ALS2: variants seen among roughly 807,000 people sequenced by gnomAD.
ALS2 encodes the protein alsin.
Under a neutral mutation model 203.4 loss-of-function variants are expected in ALS2, and 117 were observed. That is an observed-to-expected ratio of 0.58 (90% confidence interval 0.50 to 0.67). ALS2 has a LOEUF of 0.67. Among genes scored for constraint, ALS2 ranks in the 30% least tolerant of loss-of-function variants. The pLI, the probability that ALS2 is intolerant of heterozygous loss-of-function variation, is 0.00. For synonymous variants in ALS2, 718 were observed against 725.9 expected (o/e 0.99, Z 0.17); for missense variants, 1,715 against 1,989.4 (o/e 0.86, Z 2.62).
intron 1 of ALS2, among the ~76,000 whole-genome samples, chr2:201,771,226 T>C (rs887437543): frequency 2.0e-5 from 3 of 152,038 alleles, no homozygotes; most frequent in Non-Finnish European, 4.4e-5. Context: ...TTTGTATTTT[T>C]AGTAGAGACG....
intron 7 of ALS2, 78 bp from the exon 8 acceptor site, chr2:201,749,867 T>A: frequency 9.4e-7 from 1 of 1,059,798 alleles, no homozygotes; most frequent in African/African-American, 1.6e-5. Context: ...TTATAATAAT[T>A]AACATATATA....
chr2:201,749,652 A>T, intron 8 of ALS2, 60 bp downstream of exon 8: 1 of 1,341,746 alleles, frequency 7.5e-7, no homozygotes, highest in South Asian at 1.2e-5. Flanking sequence ...GAAATGGAGA[A>T]GTATAAGGTG....
chr2:201,760,810 A>C (rs771243580), intron 4 of ALS2, 71 bp downstream of exon 4: 1 of 1,516,932 alleles, frequency 6.6e-7, no homozygotes, highest in Admixed American at 2.3e-5. Flanking sequence ...TACTCATTTT[A>C]AAGTTTCTAA....
intron 1 of ALS2, among the ~76,000 whole-genome samples, chr2:201,780,263 G>A (rs533690442): frequency 6.6e-6 from 1 of 152,250 alleles, no homozygotes; most frequent in African/African-American, 2.4e-5. Context: ...TATTTTTCTG[G>A]CTTCGCTTCT....
At chr2:201,741,031 A>G (rs981677660) in intron 11 of ALS2, among the ~76,000 whole-genome samples, 1 of 152,182 alleles carries the variant, frequency 6.6e-6, no homozygotes, top group African/African-American at 2.4e-5. Context: ...CTTCAGATCA[A>G]AGCATAACCT....
chr2:201,752,968 T>C (rs1693155961), intron 7 of ALS2, among the ~76,000 whole-genome samples, 178 bp downstream of exon 7: 1 of 152,224 alleles, frequency 6.6e-6, no homozygotes, highest in Non-Finnish European at 1.5e-5. Flanking sequence ...TAATTTCTCT[T>C]ACTCCACTTC....
chr2:201,724,274 A>G (rs1186221522), intron 21 of ALS2, 21 bp downstream of exon 21: 2 of 1,608,180 alleles, frequency 1.2e-6, no homozygotes, highest in Admixed American at 1.7e-5. Context: ...AAACTGTGGG[A>G]ATAGAAGGAG....
intron 24 of ALS2, 40 bp from the exon 25 acceptor site, chr2:201,715,879 T>A (rs1248424862): frequency 4.3e-6 from 7 of 1,611,796 alleles, no homozygotes; most frequent in Non-Finnish European, 5.1e-6. Context: ...TCATTTCTTT[T>A]GTGCAAAATT....
intron 7 of ALS2, among the ~76,000 whole-genome samples, chr2:201,750,237 T>A (rs1692949549): frequency 6.6e-6 from 1 of 151,710 alleles, no homozygotes; most frequent in Non-Finnish European, 1.5e-5. Context: ...TAACAATAAC[T>A]AACACTTTTC....
At position 201,725,836 on chromosome 2, in the gene ALS2, C is replaced by A. The variant is rs554785243; in HGVS notation, c.3249-382G>T. Among the ~76,000 whole-genome samples the A allele has an allele frequency of 3.9e-5, 6 of 152,302 alleles. No individual in the cohort carries two copies. The South Asian group carries it at 6.2e-4, about 16-fold the overall frequency. ...AATTAGATGATCTAAAGTCTCTTCT[C>A]ATTCTAACAATCTATTAAAAAGAGA... On this transcript the variant is annotated intron_variant, in intron 19 of 33. Transcript: ENST00000264276.
At chr2:201,755,199 T>C (rs1693304457) in intron 5 of ALS2, among the ~76,000 whole-genome samples, 1 of 152,132 alleles carries the variant, frequency 6.6e-6, no homozygotes, top group African/African-American at 2.4e-5. Context: ...GAGGTTATAG[T>C]GTGTTATGAC....
intron 11 of ALS2, among the ~76,000 whole-genome samples, chr2:201,740,494 G>A (rs1245964036): frequency 6.6e-6 from 1 of 151,838 alleles, no homozygotes; most frequent in East Asian, 1.9e-4. Context: ...ATGAATTCAA[G>A]TCAAAAAAGG....
chr2:201,753,434 TATCA>T (rs1197128123), intron 6 of ALS2, among the ~76,000 whole-genome samples, 192 bp from the exon 7 acceptor site: 3 of 152,250 alleles, frequency 2.0e-5, no homozygotes, highest in Non-Finnish European at 4.4e-5. Flanking sequence ...AACCTTTGTC[TATCA>T]ATCACTAATT....
chr2:201,742,481 T>C (rs1268285658), intron 10 of ALS2, among the ~76,000 whole-genome samples: 1 of 152,164 alleles, frequency 6.6e-6, no homozygotes, highest in Non-Finnish European at 1.5e-5. Context: ...ATTAGGAAAG[T>C]AGACTGGGAA....
rs568221522 is a variant in ALS2 at position 201,700,751 on chromosome 2, T to G, written c.*1100A>C. Reference sequence around the variant, plus strand: ...GCTCACCACGGTGTAGGAGATGAGATGAGGAAGAGCACCTATGTTATTCAA... The same window carrying G: ...GCTCACCACGGTGTAGGAGATGAGAGGAGGAAGAGCACCTATGTTATTCAA... On this transcript the variant is annotated 3_prime_UTR_variant, in exon 34 of 34. Transcript: ENST00000264276. The G allele has an allele frequency of 2.0e-4, 30 of 152,644 alleles. No individual in the cohort carries two copies. Among genetic ancestry groups the G allele is most frequent in the African/African-American group, 7.0e-4 (29 of 41,454 alleles). 9.5% of individuals were successfully genotyped at this position (152,644 alleles called of 1,614,324 possible). A position where few individuals can be genotyped will look rare whatever the true frequency, so the allele number is the denominator to read the frequency against.
rs1281386074 is a variant in ALS2, at chr2:201,757,607, C to A, written c.1266G>T (p.Met422Ile). ...CACAAGGGGTTGTACTATAAAAGTT[C>A]ATAACTTTCTTCAGTGACAAGGCAC... Reference protein sequence around the residue: ...EAGALSLKKVMNFYSTTPCET... With the variant: ...EAGALSLKKVINFYSTTPCET... The change falls in exon 5 of 34, where the codon ATG (methionine) becomes ATT (isoleucine). Residue 422 changes from methionine (M) to isoleucine (I), a missense_variant. This residue lies in a region of ALS2 where 476 missense variants were observed against 539.3 expected (regional missense o/e 0.88). Coordinates refer to ENST00000264276, the MANE Select transcript of ALS2 (RefSeq NM_020919.4). 2 of 1,614,134 alleles carry A rather than the reference C, an allele frequency of 1.2e-6. No individual in the cohort carries two copies. Among genetic ancestry groups the A allele is most frequent in the South Asian group, 2.2e-5 (2 of 91,080 alleles).
At chr2:201,733,140 G>T in intron 13 of ALS2, 136 bp downstream of exon 13, 1 of 999,936 alleles carries the variant, frequency 1.0e-6, no homozygotes, top group Non-Finnish European at 1.5e-6. Context: ...TCATTTCCCT[G>T]AAGAAAATTA....
At chr2:201,774,971 T>C (rs1336084712) in intron 1 of ALS2, among the ~76,000 whole-genome samples, 3 of 152,206 alleles carry the variant, frequency 2.0e-5, no homozygotes, top group East Asian at 3.8e-4. Flanking sequence ...AGTTAGACAG[T>C]ACCCTTAAGG....
chr2:201,759,680 C>T (rs1308548908), intron 4 of ALS2: 2 of 984,594 alleles, frequency 2.0e-6, no homozygotes, highest in Admixed American at 1.2e-4. Context: ...TTCAAATACC[C>T]ACAAGTTTCA....
Sources: gnomAD v4.1 joint callset for allele counts (sites outside exome capture counted in the v4.1 genomes callset) on GRCh38, gnomAD v4.1.1 for gene constraint, gnomAD v4.1.1 regional missense constraint, MANE v1.5 for transcripts, NCBI Gene and HGNC (gene_info 2026-07-23, HGNC 2026-07-21) for gene names.